The following LHFPL3 variants were observed in gnomAD, a reference collection of about 807,000 sequenced individuals.
LHFPL3 encodes LHFPL tetraspan subfamily member 3 protein.
A neutral mutation model predicts 19.3 loss-of-function variants in LHFPL3; 5 were observed. The ratio of observed to expected loss-of-function variants is 0.26; its 90% CI spans 0.14 to 0.54. The LOEUF (loss-of-function observed/expected upper bound fraction) is 0.54. Among genes scored for constraint, LHFPL3 ranks in the 20% least tolerant of loss-of-function variants. The pLI is 0.94. For missense variants in LHFPL3, 249 were observed against 307.4 expected, an observed-to-expected ratio of 0.81 and a Z score of 1.42; for synonymous variants, 133 against 126.2, an observed-to-expected ratio of 1.05 and a Z score of -0.36.
At chr7:104,385,330 A>G (rs1430473576) in intron 1 of LHFPL3, among the ~76,000 whole-genome samples, 2 of 152,256 alleles carry the variant, frequency 1.3e-5, no homozygotes, top group Non-Finnish European at 1.5e-5. Flanking sequence ...TCTTGGCAAT[A>G]CAATTATTAT....
At chr7:104,841,486 T>A (rs1413440017) in intron 2 of LHFPL3, among the ~76,000 whole-genome samples, 1 of 87,200 alleles carries the variant, frequency 1.1e-5, no homozygotes, top group East Asian at 2.6e-4. Flanking sequence ...TACGATGCAT[T>A]ATGTGGGGTG....
chr7:104,445,018 T>A (rs1297731023), intron 1 of LHFPL3, among the ~76,000 whole-genome samples: 1 of 151,940 alleles, frequency 6.6e-6, no homozygotes, highest in African/African-American at 2.4e-5. Flanking sequence ...TTATCACAGA[T>A]GTGGGACACT....
chr7:104,574,182 TGTCA>T (rs1391475354), intron 1 of LHFPL3, among the ~76,000 whole-genome samples: 1 of 152,202 alleles, frequency 6.6e-6, no homozygotes, highest in Non-Finnish European at 1.5e-5. Flanking sequence ...CACTCATGAC[TGTCA>T]ATCAGAGAAA....
chr7:104,716,115 G>A (rs897358805), intron 1 of LHFPL3, among the ~76,000 whole-genome samples: 17 of 152,230 alleles, frequency 1.1e-4, no homozygotes, highest in South Asian at 4.1e-4. Context: ...TTGGGAGGCC[G>A]AGGAGGGTGG....
At chr7:104,829,341 T>C (rs951887575) in intron 2 of LHFPL3, among the ~76,000 whole-genome samples, 1 of 151,786 alleles carries the variant, frequency 6.6e-6, no homozygotes, top group African/African-American at 2.4e-5. Flanking sequence ...TTTTTAATTA[T>C]TATTATACTT....
chr7:104,875,725 A>G (rs2116670168), intron 2 of LHFPL3, among the ~76,000 whole-genome samples: 1 of 152,364 alleles, frequency 6.6e-6, no homozygotes. Flanking sequence ...CACACCCACA[A>G]TAAAGAGATA....
At chr7:104,531,259 C>A (rs937292002) in intron 1 of LHFPL3, among the ~76,000 whole-genome samples, 1 of 152,216 alleles carries the variant, frequency 6.6e-6, no homozygotes, top group African/African-American at 2.4e-5. Context: ...GATCAGCTCA[C>A]TTCGTCAGCT....
intron 1 of LHFPL3, among the ~76,000 whole-genome samples, chr7:104,634,262 G>A (rs1791694441): frequency 6.6e-6 from 1 of 152,138 alleles, no homozygotes. Context: ...TCTCAGTTCT[G>A]GAGGCTGGAA....
intron 2 of LHFPL3, among the ~76,000 whole-genome samples, chr7:104,740,390 A>C (rs1423473007): frequency 6.6e-6 from 1 of 152,166 alleles, no homozygotes; most frequent in Non-Finnish European, 1.5e-5. Flanking sequence ...GTTCTTCCTG[A>C]GTGTCACTTT....
At chr7:104,630,552 G>A (rs990714726) in intron 1 of LHFPL3, among the ~76,000 whole-genome samples, 1 of 152,180 alleles carries the variant, frequency 6.6e-6, no homozygotes, top group African/African-American at 2.4e-5. Context: ...AGGCACAGGA[G>A]TTGGATTTAA....
At chr7:104,677,399 C>G (rs1792611893) in intron 1 of LHFPL3, among the ~76,000 whole-genome samples, 1 of 151,540 alleles carries the variant, frequency 6.6e-6, no homozygotes, top group Non-Finnish European at 1.5e-5. Context: ...GAAAAATGAT[C>G]CCTATATAGT....
chr7:104,710,454 A>T (rs1302510908), intron 1 of LHFPL3, among the ~76,000 whole-genome samples: 3 of 151,960 alleles, frequency 2.0e-5, no homozygotes, highest in Non-Finnish European at 4.4e-5. Flanking sequence ...AGGTGAATCC[A>T]CTCCCGGTTG....
intron 1 of LHFPL3, among the ~76,000 whole-genome samples, chr7:104,622,613 T>G (rs1791468361): frequency 1.3e-5 from 2 of 152,178 alleles, no homozygotes; most frequent in South Asian, 4.1e-4. Context: ...CCCTTTCTTC[T>G]TTGCCTCCTC....
At chr7:104,798,343 C>CA (rs998990724) in intron 2 of LHFPL3, 1 of 151,852 alleles carries the variant, frequency 6.6e-6, no homozygotes, top group Non-Finnish European at 1.5e-5. Context: ...TTACCTGGAT[C>CA]AAAAAAATCT....
intron 1 of LHFPL3, among the ~76,000 whole-genome samples, chr7:104,539,300 C>T (rs930134878): frequency 1.3e-5 from 2 of 152,154 alleles, no homozygotes; most frequent in Non-Finnish European, 2.9e-5. Context: ...ACACTAAATT[C>T]AGCAAATATT....
intron 1 of LHFPL3, among the ~76,000 whole-genome samples, chr7:104,712,335 G>A (rs1184549153): frequency 6.6e-6 from 1 of 152,152 alleles, no homozygotes; most frequent in African/African-American, 2.4e-5. Flanking sequence ...CTGGCATCTG[G>A]TGAGGGTCCA....
chr7:104,364,212 T>C (rs1790442341), intron 1 of LHFPL3, among the ~76,000 whole-genome samples: 1 of 152,184 alleles, frequency 6.6e-6, no homozygotes, highest in African/African-American at 2.4e-5. Context: ...GAATGTGTAA[T>C]AAGAGCCATT....
chr7:104,407,376 G>T (rs2116504749), intron 1 of LHFPL3, among the ~76,000 whole-genome samples: 1 of 152,320 alleles, frequency 6.6e-6, no homozygotes, highest in South Asian at 2.1e-4. Context: ...GAACCTTCTG[G>T]CTGGGCGTGG....
At chr7:104,604,486 T>G (rs1250871254) in intron 1 of LHFPL3, among the ~76,000 whole-genome samples, 1 of 152,224 alleles carries the variant, frequency 6.6e-6, no homozygotes, top group East Asian at 1.9e-4. Context: ...GCTCATCTCC[T>G]TAGCGGATGG....
Sources: gnomAD v4.1 joint callset for allele counts (sites outside exome capture counted in the v4.1 genomes callset) on GRCh38, gnomAD v4.1.1 for gene constraint, MANE v1.5 for transcripts, NCBI Gene and HGNC (gene_info 2026-07-23, HGNC 2026-07-21) for gene names.